The following LRRC4C variants were observed in gnomAD, a reference collection of about 807,000 sequenced individuals.
LRRC4C encodes leucine rich repeat containing 4C.
In LRRC4C, 5 loss-of-function variants were observed where a neutral mutation model predicts 33.6. That is an observed-to-expected ratio of 0.15 (90% CI 0.08 to 0.31). The LOEUF (loss-of-function observed/expected upper bound fraction) is 0.31, where lower values mean the gene tolerates loss of function less well. Among genes scored for constraint, LRRC4C ranks in the 10% least tolerant of loss-of-function variants. The pLI is 1.00. For missense variants in LRRC4C, 560 were observed against 796.7 expected (o/e 0.70, Z 3.58); for synonymous variants, 329 against 302.0 (o/e 1.09, Z -0.93).
chr11:41,226,741 T>TACAC (rs59285418), intron 1 of LRRC4C, among the ~76,000 whole-genome samples: 9,435 of 136,990 alleles, frequency 0.069, 424 homozygotes, highest in African/African-American at 0.13. Context: ...TCCTTACCAT[T>TACAC]ACACACACAC....
intron 1 of LRRC4C, among the ~76,000 whole-genome samples, chr11:41,177,873 A>G (rs949422737): frequency 1.3e-5 from 2 of 152,238 alleles, no homozygotes; most frequent in African/African-American, 2.4e-5. Flanking sequence ...AAACAGTAAC[A>G]TAACAAGAAG....
chr11:41,456,524 T>C (rs761829344), intron 1 of LRRC4C, among the ~76,000 whole-genome samples: 1 of 152,114 alleles, frequency 6.6e-6, no homozygotes, highest in Non-Finnish European at 1.5e-5. Flanking sequence ...TGTCTGACTT[T>C]AGCAGAGTCC....
intron 1 of LRRC4C, among the ~76,000 whole-genome samples, chr11:41,202,528 A>C (rs749588928): frequency 6.6e-6 from 1 of 152,172 alleles, no homozygotes; most frequent in African/African-American, 2.4e-5. Context: ...GAATCTTTAC[A>C]TGAGCCCTAA....
At chr11:41,385,702 G>T (rs887873366) in intron 1 of LRRC4C, among the ~76,000 whole-genome samples, 3 of 151,258 alleles carry the variant, frequency 2.0e-5, no homozygotes, top group Admixed American at 1.3e-4. Flanking sequence ...AGGTTATGAA[G>T]TGAACAAAAT....
At chr11:40,370,743 A>T (rs892677946) in intron 3 of LRRC4C, among the ~76,000 whole-genome samples, 4 of 152,348 alleles carry the variant, frequency 2.6e-5, no homozygotes, top group Admixed American at 2.6e-4. Flanking sequence ...CATGGAATTT[A>T]AAAGAAAGCA....
intron 2 of LRRC4C, among the ~76,000 whole-genome samples, chr11:40,692,383 A>G (rs1945258357): frequency 6.6e-6 from 1 of 152,078 alleles, no homozygotes; most frequent in Non-Finnish European, 1.5e-5. Context: ...CTTTCAACAC[A>G]TAGAGAGGCA....
chr11:40,931,584 A>G (rs989311954), intron 2 of LRRC4C, among the ~76,000 whole-genome samples: 9 of 152,098 alleles, frequency 5.9e-5, no homozygotes, highest in Non-Finnish European at 1.2e-4. Context: ...TAGAGCCCCA[A>G]TTGATATATA....
At chr11:41,111,374 C>T (rs1941821377) in intron 1 of LRRC4C, among the ~76,000 whole-genome samples, 1 of 151,972 alleles carries the variant, frequency 6.6e-6, no homozygotes, top group Non-Finnish European at 1.5e-5. Flanking sequence ...GTGTTCCTAG[C>T]CCAGGGACAG....
intron 2 of LRRC4C, among the ~76,000 whole-genome samples, chr11:40,675,574 T>A (rs914322886): frequency 1.3e-5 from 2 of 152,138 alleles, no homozygotes; most frequent in African/African-American, 4.8e-5. Flanking sequence ...CACAGCACTT[T>A]TATAATTTAT....
intron 3 of LRRC4C, among the ~76,000 whole-genome samples, chr11:40,444,638 CA>C (rs1228746898): frequency 6.6e-6 from 1 of 152,080 alleles, no homozygotes; most frequent in Non-Finnish European, 1.5e-5. Flanking sequence ...ACTTTATTCT[CA>C]GTGATCAATA....
chr11:41,251,935 T>G (rs1387807899), intron 1 of LRRC4C, among the ~76,000 whole-genome samples: 1 of 151,604 alleles, frequency 6.6e-6, no homozygotes, highest in Non-Finnish European at 1.5e-5. Context: ...AAAAGAAAAA[T>G]GGAAAAATGT....
chr11:40,737,233 G>A (rs1454607269), intron 2 of LRRC4C, among the ~76,000 whole-genome samples: 1 of 152,030 alleles, frequency 6.6e-6, no homozygotes, highest in Non-Finnish European at 1.5e-5. Context: ...TATAATAAGA[G>A]CTATTTATGA....
At chr11:41,117,850 G>T (rs992337784) in intron 1 of LRRC4C, among the ~76,000 whole-genome samples, 3 of 152,030 alleles carry the variant, frequency 2.0e-5, no homozygotes, top group African/African-American at 7.2e-5. Flanking sequence ...TTACACTTAT[G>T]AGCAGAGTGC....
chr11:40,681,686 G>C (rs1251654491), intron 2 of LRRC4C, among the ~76,000 whole-genome samples: 2 of 152,018 alleles, frequency 1.3e-5, no homozygotes, highest in African/African-American at 4.8e-5. Flanking sequence ...GACCCCTTGA[G>C]CCCCGGAGTT....
At chr11:40,530,960 A>T (rs1238683020) in intron 3 of LRRC4C, among the ~76,000 whole-genome samples, 2 of 152,104 alleles carry the variant, frequency 1.3e-5, no homozygotes, top group Admixed American at 1.3e-4. Flanking sequence ...CGGTATTGTT[A>T]TTCCTAAAAT....
At chr11:40,564,476 G>A (rs1957676615) in intron 3 of LRRC4C, among the ~76,000 whole-genome samples, 1 of 152,130 alleles carries the variant, frequency 6.6e-6, no homozygotes, top group African/African-American at 2.4e-5. Context: ...GAGCTTCAGT[G>A]GTGGCTCTTC....
chr11:40,949,703 G>A, intron 1 of LRRC4C, among the ~76,000 whole-genome samples: 4 of 151,312 alleles, frequency 2.6e-5, no homozygotes, highest in South Asian at 4.2e-4. Flanking sequence ...CCCTAAAAGA[G>A]CTCCTGAAGG....
intron 6 of LRRC4C, among the ~76,000 whole-genome samples, chr11:40,130,731 G>C (rs1856590273): frequency 6.6e-6 from 1 of 152,172 alleles, no homozygotes; most frequent in South Asian, 2.1e-4. Flanking sequence ...CCATAGTGCT[G>C]TGCCATTCTG....
chr11:40,253,738 C>A (rs2136199452), intron 4 of LRRC4C, among the ~76,000 whole-genome samples: 1 of 152,264 alleles, frequency 6.6e-6, no homozygotes, highest in East Asian at 1.9e-4. Flanking sequence ...TCGACGTAAG[C>A]CACCTGAGGG....
Sources: gnomAD v4.1 joint callset for allele counts (sites outside exome capture counted in the v4.1 genomes callset) on GRCh38, gnomAD v4.1.1 for gene constraint, MANE v1.5 for transcripts, NCBI Gene and HGNC (gene_info 2026-07-23, HGNC 2026-07-21) for gene names.